OGG1: variants seen among roughly 807,000 people sequenced by gnomAD.
OGG1 encodes the protein N-glycosylase/DNA lyase.
OGG1 carries 35 observed loss-of-function variants against 42.3 expected under a neutral mutation model. The observed-to-expected ratio is 0.83, with a 90% CI of 0.63 to 1.10. The LOEUF (loss-of-function observed/expected upper bound fraction) is 1.10. OGG1 is among the 50% of genes least tolerant of loss of function. The pLI is 0.00. For missense variants in OGG1, 484 were observed against 446.7 expected (o/e 1.08, Z -0.75); for synonymous variants, 189 against 179.0 (o/e 1.06, Z -0.44).
Position 9,778,772 on chromosome 3 carries a change from T to C in OGG1, c.295-2741T>C, listed in dbSNP as rs141750756. Among the ~76,000 whole-genome samples the C allele has an allele frequency of 2.7e-3, 414 of 152,304 alleles. 3 individuals are homozygous for C. Among genetic ancestry groups the C allele is most frequent in the African/African-American group, 9.6e-3 (399 of 41,570 alleles). On this transcript the variant is annotated intron_variant, in intron 2 of 3. Coordinates refer to the OGG1 transcript ENST00000426518. ...GGACTAATCATTGTGGCTAGAGGGA[T>C]TGGCACTTGACTGGCCAAGCTGGGG...
chr3:9,753,886 C>T (rs959337512), intron 3 of OGG1, among the ~76,000 whole-genome samples: 3 of 152,180 alleles, frequency 2.0e-5, no homozygotes, highest in Non-Finnish European at 2.9e-5. Context: ...CTGGTAATTT[C>T]AGCACTTTTG....
intron 2 of OGG1, among the ~76,000 whole-genome samples, chr3:9,777,498 A>AGAT (rs1193623332): frequency 2.2e-4 from 33 of 152,256 alleles, no homozygotes; most frequent in Admixed American, 3.3e-4. Context: ...TCTCTGTGTC[A>AGAT]TCTGCAGGCT....
exon 8 of OGG1, chr3:9,766,506 C>G: frequency 7.1e-6 from 3 of 420,452 alleles, no homozygotes; most frequent in East Asian, 7.1e-5. Context: ...AAAAGAAATG[C>G]AAAACTTTAG....
rs1350083681 is a variant in OGG1, at chr3:9,754,737, G to A, written c.599G>A (p.Gly200Asp). 1.1e-5 allele frequency: 17 copies of A among 1,614,042 alleles called. No homozygotes were observed. The highest frequency in any genetic ancestry group is 1.4e-5 in the Non-Finnish European group (16 of 1,180,032). The change falls in exon 4 of 7, where the codon GGC (glycine) becomes GAC (aspartate). Residue 200 changes from glycine to aspartate, a missense_variant. By Grantham distance (94) the Gly-to-Asp change is moderately conservative. Transcript: ENST00000344629. ...PEVEAHLRKL[G>D]LGYRARYVSA... The stretch of plus-strand genomic sequence containing the variant: ...GTGGAGGCTCATCTCAGGAAGCTGG[G>A]CCTGGGCTATCGTGCCCGTTACGTG...
At position 9,751,836 on chromosome 3, in the gene OGG1, A is replaced by G. The variant is rs764308935; in HGVS notation, c.452A>G (p.Asn151Ser). The G allele has an allele frequency of 1.9e-6, 3 of 1,614,238 alleles. No individual in the cohort carries two copies. In the South Asian group the frequency reaches 3.3e-5, roughly 18 times the overall value. ...LFSFICSSNN[N>S]IARITGMVER... ...TCTTTTATCTGTTCCTCCAACAACA[A>G]CATCGCCCGCATCACTGGCATGGTG... The change falls in exon 3 of 7, where the codon AAC becomes AGC. Residue 151 changes from asparagine to serine, a missense_variant. Transcript: ENST00000344629.
chr3:9,790,711 T>C (rs181413253), downstream of OGG1, among the ~76,000 whole-genome samples: 3 of 152,352 alleles, frequency 2.0e-5, no homozygotes, highest in Admixed American at 2.0e-4. Context: ...TTGCAAAAAA[T>C]TCTCTTTTAA....
chr3:9,764,252 G>C (rs2125587379), intron 7 of OGG1, among the ~76,000 whole-genome samples: 1 of 152,302 alleles, frequency 6.6e-6, no homozygotes, highest in Non-Finnish European at 1.5e-5. Context: ...ACAGTGCCTG[G>C]CACACGGTAA....
In OGG1 at chr3:9,756,833, GTCCTCCCTAGGTT is replaced by G. The variant is rs750596121; in HGVS notation, c.948+23_948+35del. 6.2e-7 allele frequency: 1 copy of G among 1,613,220 alleles called. No homozygotes were observed. Among genetic ancestry groups the G allele is most frequent in the African/African-American group, 1.3e-5 (1 of 74,820 alleles). ...GCCCAAGCGGTGAGTGTACCTAGGTGTCCTCCCTAGGTTTCCTCTCCTCCAGCCCAGACCCAGT... is the reference window on the plus strand; with the variant it reads ...GCCCAAGCGGTGAGTGTACCTAGGTGTCCTCTCCTCCAGCCCAGACCCAGT... On this transcript the variant is annotated intron_variant, in intron 6 of 6. Transcript: ENST00000344629.
intron 2 of OGG1, among the ~76,000 whole-genome samples, chr3:9,774,408 CAAAAAAAAA>C (rs35674476): frequency 2.2e-4 from 26 of 117,088 alleles, no homozygotes; most frequent in South Asian, 5.7e-4. Flanking sequence ...GACTCTGTCT[CAAAAAAAAA>C]AAAAAAAAAA....
At chr3:9,772,435 A>G (rs1163446771) in intron 2 of OGG1, among the ~76,000 whole-genome samples, 1 of 152,190 alleles carries the variant, frequency 6.6e-6, no homozygotes, top group Non-Finnish European at 1.5e-5. Context: ...TGGAGACTGG[A>G]ACTGGAGATG....
At chr3:9,784,022 G>A (rs1262475630) in intron 3 of OGG1, 12 of 1,612,102 alleles carry the variant, frequency 7.4e-6, no homozygotes, top group Admixed American at 1.7e-5. Flanking sequence ...TCCTGCTAAC[G>A]CTCACCTCAG....
At chr3:9,790,098 C>T (rs2078698839), downstream of OGG1, 2 of 1,138,354 alleles carry the variant, frequency 1.8e-6, no homozygotes, top group Non-Finnish European at 2.4e-6. Context: ...ACCTAGTAAA[C>T]TCTTACTCAT....
exon 4 of OGG1, chr3:9,787,920 G>C: frequency 5.5e-6 from 2 of 364,912 alleles, no homozygotes; most frequent in Non-Finnish European, 1.1e-5. Context: ...GAGCTTGCCA[G>C]AGGCCCAGAG....
intron 2 of OGG1, among the ~76,000 whole-genome samples, chr3:9,774,831 T>G (rs955958429): frequency 1.3e-5 from 2 of 152,240 alleles, no homozygotes; most frequent in Admixed American, 1.3e-4. Flanking sequence ...GAAAGCAATT[T>G]GGCAATATGC....
chr3:9,787,105 C>T, intron 3 of OGG1: 9 of 1,614,216 alleles, frequency 5.6e-6, no homozygotes, highest in Non-Finnish European at 7.6e-6. Flanking sequence ...GCAGGGCATC[C>T]ACATCTAAGC....
At chr3:9,762,844 C>T in intron 7 of OGG1, 2 of 1,524,196 alleles carry the variant, frequency 1.3e-6, no homozygotes, top group Non-Finnish European at 1.8e-6. Flanking sequence ...TGCCCAAGGT[C>T]AGACAGTTTG....
chr3:9,764,386 C>T (rs1310859844), intron 7 of OGG1, among the ~76,000 whole-genome samples: 2 of 151,958 alleles, frequency 1.3e-5, no homozygotes, highest in Admixed American at 6.6e-5. Context: ...GATCTTGGCT[C>T]ATCACAATTT....
At chr3:9,757,818 C>T (rs200156536), downstream of OGG1, 32 of 1,611,184 alleles carry the variant, frequency 2.0e-5, no homozygotes, top group South Asian at 1.6e-4. This position sits in a 1 kb window ranked among gnomAD's most constrained non-coding sequence, Gnocchi z 4.5. Context: ...CCTCATGTGC[C>T]GCACCACAGC....
At chr3:9,763,403 CA>C (rs571944870) in intron 7 of OGG1, 3,339 of 76,144 alleles carry the variant, frequency 0.044, 45 homozygotes, top group African/African-American at 0.062. Context: ...GACCCTGTCT[CA>C]AAAAAAAAAA....
Sources: gnomAD v4.1 joint callset for allele counts (sites outside exome capture counted in the v4.1 genomes callset) on GRCh38, gnomAD v4.1.1 for gene constraint, Gnocchi (gnomAD v3.1) non-coding constraint, MANE v1.5 for transcripts, NCBI Gene and HGNC (gene_info 2026-07-23, HGNC 2026-07-21) for gene names.